The following DCDC1 variants were observed in gnomAD, a reference collection of about 807,000 sequenced individuals.
The protein encoded by DCDC1 is doublecortin domain-containing protein 1.
DCDC1 carries 200 observed loss-of-function variants against 178.3 expected under a neutral mutation model. That is an observed-to-expected ratio of 1.12 (90% CI 1.00 to 1.26). The LOEUF is 1.26. Ranked by LOEUF, DCDC1 falls within the 50% of genes most tolerant of loss-of-function variation. The pLI is 0.00. For missense variants in DCDC1, 1,983 were observed against 1,749.2 expected, an observed-to-expected ratio of 1.13 and a Z score of -2.38; for synonymous variants, 690 against 604.8, an observed-to-expected ratio of 1.14 and a Z score of -2.07.
intron 9 of DCDC1, among the ~76,000 whole-genome samples, chr11:31,192,612 T>C (rs1161673641): frequency 1.3e-5 from 2 of 152,088 alleles, no homozygotes; most frequent in Non-Finnish European, 2.9e-5. Context: ...TACATACACA[T>C]ATACACACAC....
chr11:31,072,609 T>C (rs906744807), intron 18 of DCDC1, among the ~76,000 whole-genome samples: 3 of 152,178 alleles, frequency 2.0e-5, no homozygotes, highest in Admixed American at 6.6e-5. Context: ...TTTAAATCTT[T>C]AATTTAGCTG....
At chr11:31,114,746 A>C (rs1959611833) in intron 11 of DCDC1, among the ~76,000 whole-genome samples, 1 of 152,122 alleles carries the variant, frequency 6.6e-6, no homozygotes, top group Non-Finnish European at 1.5e-5. Flanking sequence ...AGAGAATGAA[A>C]TGGGGAATCA....
chr11:31,048,547 T>C (rs1416538486), intron 20 of DCDC1, among the ~76,000 whole-genome samples: 1 of 152,120 alleles, frequency 6.6e-6, no homozygotes, highest in Non-Finnish European at 1.5e-5. Context: ...AACATACAGA[T>C]AACAAGTCAG....
At chr11:31,249,278 C>A (rs1943796541) in intron 8 of DCDC1, among the ~76,000 whole-genome samples, 1 of 152,106 alleles carries the variant, frequency 6.6e-6, no homozygotes, top group Non-Finnish European at 1.5e-5. Context: ...AATTAGACTA[C>A]TTTGTGAATG....
At chr11:31,132,079 G>A (rs1962520256) in intron 10 of DCDC1, among the ~76,000 whole-genome samples, 1 of 152,092 alleles carries the variant, frequency 6.6e-6, no homozygotes, top group Non-Finnish European at 1.5e-5. Context: ...TATTTTTATT[G>A]GCTCCAGGAT....
chr11:30,948,387 C>T (rs982550885), intron 21 of DCDC1, among the ~76,000 whole-genome samples: 1 of 152,160 alleles, frequency 6.6e-6, no homozygotes, highest in African/African-American at 2.4e-5. Flanking sequence ...ATTCCATGCT[C>T]ATAGATAGAA....
rs533426421 is a variant in DCDC1, at chr11:31,357,388, C to T, written c.-125+12309G>A. On this transcript the variant is annotated intron_variant, in intron 1 of 38. Transcript: ENST00000684477. ...AAAGGCCTTTGACAAAATTCAACTA[C>T]GCTTCATGCTAAAAACTCTCAATAA... Among the ~76,000 whole-genome samples the T allele has an allele frequency of 5.7e-4, 81 of 140,982 alleles. 1 individual carries two copies. The highest frequency in any genetic ancestry group is 2.2e-4 in the Non-Finnish European group (14 of 64,866). 92.5% of individuals were successfully genotyped at this position (140,982 alleles called of 152,430 possible). A position where few individuals can be genotyped will look rare whatever the true frequency, so the allele number is the denominator to read the frequency against.
chr11:31,169,347 A>G (rs991507358), intron 9 of DCDC1, among the ~76,000 whole-genome samples: 16 of 152,346 alleles, frequency 1.1e-4, no homozygotes, highest in African/African-American at 3.8e-4. Context: ...ATACCACTGA[A>G]CATAAAGTAA....
At chr11:31,117,366 A>G (rs1960115781) in intron 11 of DCDC1, among the ~76,000 whole-genome samples, 2 of 145,122 alleles carry the variant, frequency 1.4e-5, no homozygotes, top group African/African-American at 2.4e-5. Context: ...TCCAAGAAAG[A>G]ATTTTGATTT....
At chr11:30,899,678 G>GT in intron 33 of DCDC1, 36 bp from the exon 34 acceptor site, 2 of 1,397,242 alleles carry the variant, frequency 1.4e-6, no homozygotes, top group Non-Finnish European at 1.9e-6. Context: ...TTTATCAACA[G>GT]TAATTTATCA....
intron 29 of DCDC1, among the ~76,000 whole-genome samples, chr11:30,907,142 G>C (rs1286561046): frequency 6.6e-6 from 1 of 152,098 alleles, no homozygotes; most frequent in African/African-American, 2.4e-5. Flanking sequence ...CAGAAAGACT[G>C]ATAACTAAAA....
chr11:31,164,993 C>A (rs1966643303), intron 9 of DCDC1, among the ~76,000 whole-genome samples: 1 of 152,124 alleles, frequency 6.6e-6, no homozygotes, highest in South Asian at 2.1e-4. Context: ...CAAATACTTA[C>A]CATTATGTAA....
intron 21 of DCDC1, among the ~76,000 whole-genome samples, chr11:30,940,762 G>A (rs1947588080): frequency 6.6e-6 from 1 of 151,998 alleles, no homozygotes; most frequent in South Asian, 2.1e-4. Context: ...ATTGGTTTCT[G>A]CTCTTACAAT....
intron 2 of DCDC1, among the ~76,000 whole-genome samples, chr11:31,332,014 T>C (rs923830979): frequency 7.2e-5 from 11 of 152,068 alleles, no homozygotes; most frequent in Admixed American, 2.0e-4. Context: ...GGTCCTGAAC[T>C]TTTTTTGGTT....
chr11:30,924,375 G>A (rs971045011), intron 23 of DCDC1, among the ~76,000 whole-genome samples: 1 of 152,138 alleles, frequency 6.6e-6, no homozygotes, highest in African/African-American at 2.4e-5. Flanking sequence ...CAGTATTTAG[G>A]TTCAGGGCCT....
chr11:31,226,619 A>T (rs1974989270), intron 9 of DCDC1, among the ~76,000 whole-genome samples: 1 of 151,842 alleles, frequency 6.6e-6, no homozygotes, highest in African/African-American at 2.4e-5. Context: ...ATAGAACAAC[A>T]TCTTTAAAGT....
At chr11:30,897,482 C>G in intron 34 of DCDC1, among the ~76,000 whole-genome samples, 1 of 146,826 alleles carries the variant, frequency 6.8e-6, no homozygotes, top group Non-Finnish European at 1.5e-5. Context: ...ACTCAGGAGG[C>G]TGAGACAGGA....
At chr11:30,992,178 C>T (rs1453760561) in intron 20 of DCDC1, among the ~76,000 whole-genome samples, 1 of 152,142 alleles carries the variant, frequency 6.6e-6, no homozygotes, top group Non-Finnish European at 1.5e-5. Context: ...CTATAAATTG[C>T]TAACAAGTCA....
At chr11:31,011,749 A>G (rs1952183629) in intron 20 of DCDC1, among the ~76,000 whole-genome samples, 1 of 152,232 alleles carries the variant, frequency 6.6e-6, no homozygotes, top group Non-Finnish European at 1.5e-5. Flanking sequence ...CTCACACACC[A>G]CAAGACATGT....
Sources: allele counts gnomAD v4.1 joint callset (sites outside exome capture counted in the v4.1 genomes callset), GRCh38; gene constraint gnomAD v4.1.1; transcripts MANE v1.5; gene names NCBI Gene and HGNC (gene_info 2026-07-23, HGNC 2026-07-21).